Variants in RNF214 observed in about 807,000 individuals in gnomAD.
The protein encoded by RNF214 is ring finger protein 214.
RNF214 carries 25 observed loss-of-function variants against 75.9 expected under a neutral mutation model. The ratio of observed to expected loss-of-function variants is 0.33; its 90% CI spans 0.24 to 0.46. The LOEUF (loss-of-function observed/expected upper bound fraction) is 0.46. RNF214 is among the 20% of genes least tolerant of loss of function. The pLI is 1.00. For synonymous variants in RNF214, 314 were observed against 308.8 expected (o/e 1.02, Z -0.18); for missense variants, 725 against 857.5 (o/e 0.85, Z 1.93).
At chr11:117,239,290 A>G (rs1315772651) in intron 3 of RNF214, 179 bp downstream of exon 3, 1 of 619,038 alleles carries the variant, frequency 1.6e-6, no homozygotes, top group South Asian at 2.1e-5. Context: ...TCTGATGTTC[A>G]GTAAATAAGA....
chr11:117,234,180 T>C, intron 1 of RNF214, 87 bp from the exon 2 acceptor site: 1 of 942,822 alleles, frequency 1.1e-6, no homozygotes, highest in Non-Finnish European at 1.7e-6. Flanking sequence ...GCGACAGCTC[T>C]GTTGTGTGGA....
At chr11:117,258,759 C>G (rs561211921) in intron 6 of RNF214, among the ~76,000 whole-genome samples, 8 of 152,112 alleles carry the variant, frequency 5.3e-5, no homozygotes, top group African/African-American at 1.7e-4. Context: ...TGTGCCTTCT[C>G]AGTCAGTCCC....
intron 6 of RNF214, among the ~76,000 whole-genome samples, chr11:117,277,966 T>G (rs1591840906): frequency 7.0e-6 from 1 of 142,018 alleles, no homozygotes; most frequent in Non-Finnish European, 1.5e-5. Flanking sequence ...AGATAGAGAC[T>G]CCCTCTCAAA....
intron 6 of RNF214, chr11:117,263,722 CAA>C (rs2033731140): frequency 6.3e-6 from 1 of 159,192 alleles, no homozygotes; most frequent in Non-Finnish European, 1.4e-5. Flanking sequence ...GTGGCAGAAA[CAA>C]ATTATGGGCA....
At chr11:117,273,786 G>A (rs1256877089) in intron 6 of RNF214, among the ~76,000 whole-genome samples, 1 of 152,116 alleles carries the variant, frequency 6.6e-6, no homozygotes, top group East Asian at 1.9e-4. Context: ...GGGATACGGG[G>A]GATGAAATCA....
In RNF214 at chr11:117,242,384, T is replaced by A. The variant is rs73580332; in HGVS notation, c.679-2061T>A. Among the ~76,000 whole-genome samples, 393 of 152,302 alleles carry A rather than the reference T, an allele frequency of 2.6e-3. 2 individuals carry two copies. Among genetic ancestry groups the A allele is most frequent in the African/African-American group, 8.9e-3 (372 of 41,566 alleles). On this transcript the variant is annotated intron_variant, in intron 4 of 14. Coordinates refer to ENST00000300650, the MANE Select transcript of RNF214 (RefSeq NM_207343.4). Reference sequence around the variant, plus strand: ...AAGTTACTGGTGTACATTAACCAGATGAAGCCAAGAAAAGTTTTAAAATAG... The same window carrying A: ...AAGTTACTGGTGTACATTAACCAGAAGAAGCCAAGAAAAGTTTTAAAATAG...
chr11:117,260,754 A>C, intron 6 of RNF214, among the ~76,000 whole-genome samples: 1 of 149,722 alleles, frequency 6.7e-6, no homozygotes, highest in East Asian at 2.0e-4. Flanking sequence ...TCCCAGGTTC[A>C]AGCGGTTCTC....
intron 5 of RNF214, 127 bp downstream of exon 5, chr11:117,244,712 C>T (rs992746219): frequency 4.4e-6 from 3 of 687,878 alleles, no homozygotes; most frequent in Non-Finnish European, 6.5e-6. Flanking sequence ...GTCACTCAGG[C>T]TGGAATGTGG....
intron 6 of RNF214, among the ~76,000 whole-genome samples, chr11:117,249,302 T>C (rs568688038): frequency 6.6e-6 from 1 of 152,320 alleles, no homozygotes; most frequent in African/African-American, 2.4e-5. Flanking sequence ...TATGTAACTC[T>C]ACTACCTTTT....
chr11:117,260,014 G>A (rs1348394845), intron 6 of RNF214, among the ~76,000 whole-genome samples: 1 of 151,076 alleles, frequency 6.6e-6, no homozygotes, highest in Non-Finnish European at 1.5e-5. Flanking sequence ...CCTGTATTTT[G>A]TTATGGACGC....
At chr11:117,239,553 A>G (rs2033014057) in intron 3 of RNF214, 2 of 519,334 alleles carry the variant, frequency 3.9e-6, no homozygotes, top group Non-Finnish European at 3.5e-6. Context: ...CAGACGTCTC[A>G]TCTCAGACTT....
chr11:117,282,432 A>G lies in RNF214; in HGVS notation c.1741A>G (p.Ile581Val). The change falls in exon 12 of 15, where the codon ATC becomes GTC. Residue 581 changes from isoleucine (I) to valine (V), a missense_variant. By Grantham distance (29) the Ile-to-Val change is conservative. Transcript: ENST00000300650. ...KAQMTNILQQ[I>V]KTARTTMAGL... ...CCAGATGACCAACATTCTTCAGCAG[A>G]TCAAGACAGCACGTACCACCATGGC... 1 of 1,614,140 alleles carries G rather than the reference A, an allele frequency of 6.2e-7. No individual in the cohort carries two copies. The highest frequency in any genetic ancestry group is 8.5e-7 in the Non-Finnish European group (1 of 1,180,010).
chr11:117,258,431 T>TA (rs1228322805), intron 6 of RNF214, among the ~76,000 whole-genome samples: 1 of 152,104 alleles, frequency 6.6e-6, no homozygotes, highest in Non-Finnish European at 1.5e-5. Flanking sequence ...TCTTTTTTTT[T>TA]ATCTGAGGTC....
In RNF214 at chr11:117,281,684, C is replaced by T; in HGVS notation, c.1321C>T (p.Pro441Ser). 1 of 1,612,750 alleles carries T rather than the reference C, an allele frequency of 6.2e-7. No individual in the cohort carries two copies. Residue 441 changes from proline to serine, a missense_variant, in exon 10 of 15, where the codon CCA becomes TCA. Pro to Ser is a moderately conservative substitution (Grantham distance 74). Around this residue, in one of 2 missense-constraint regions of RNF214, gnomAD observed 363 missense variants for 513.0 expected, o/e 0.71. Transcript: ENST00000300650. ...TCAAATCCCTACTCCCACTTTACCT[C>T]CACCCCCATCAGAGGTAAGAGAGTG... ...LPQIPTPTLP[P>S]PPSETDFMLQ...
chr11:117,248,624 C>G (rs551037751), intron 6 of RNF214, among the ~76,000 whole-genome samples: 2 of 152,244 alleles, frequency 1.3e-5, no homozygotes, highest in African/African-American at 4.8e-5. Flanking sequence ...ATCAGTTGTT[C>G]TGTTGAGAAT....
chr11:117,254,145 A>T (rs2033465427), intron 6 of RNF214, among the ~76,000 whole-genome samples: 1 of 152,136 alleles, frequency 6.6e-6, no homozygotes, highest in African/African-American at 2.4e-5. Flanking sequence ...ACTACTTGGG[A>T]GGCTGAGACA....
At chr11:117,245,666 G>A (rs1384395720) in intron 5 of RNF214, among the ~76,000 whole-genome samples, 1 of 152,100 alleles carries the variant, frequency 6.6e-6, no homozygotes, top group Non-Finnish European at 1.5e-5. Context: ...AATAAAGAAT[G>A]TTCGGATAAA....
chr11:117,241,784 A>G (rs1294937329), intron 4 of RNF214, among the ~76,000 whole-genome samples: 1 of 152,008 alleles, frequency 6.6e-6, no homozygotes, highest in South Asian at 2.1e-4. Flanking sequence ...TTTTGATACT[A>G]TTTTCCATTT....
chr11:117,257,976 A>G (rs915163565), intron 6 of RNF214, among the ~76,000 whole-genome samples: 1 of 152,200 alleles, frequency 6.6e-6, no homozygotes, highest in South Asian at 2.1e-4. Flanking sequence ...AGTATTGTAC[A>G]TTAACACTGA....
Sources: gnomAD v4.1 joint callset for allele counts (sites outside exome capture counted in the v4.1 genomes callset) on GRCh38, gnomAD v4.1.1 for gene constraint, gnomAD v4.1.1 regional missense constraint, MANE v1.5 for transcripts, NCBI Gene and HGNC (gene_info 2026-07-23, HGNC 2026-07-21) for gene names.